Variants in NPSR1 observed in about 807,000 individuals in gnomAD.
NPSR1 encodes the protein neuropeptide S receptor.
NPSR1 carries 48 observed loss-of-function variants against 46.9 expected under a neutral mutation model. The ratio of observed to expected loss-of-function variants is 1.02; its 90% CI spans 0.81 to 1.30. The LOEUF (loss-of-function observed/expected upper bound fraction) is 1.30, where lower values mean the gene tolerates loss of function less well. Ranked by LOEUF, NPSR1 falls within the 50% of genes most tolerant of loss-of-function variation. The pLI, the probability that NPSR1 is intolerant of heterozygous loss-of-function variation, is 0.00. For missense variants in NPSR1, 450 were observed against 449.5 expected (o/e 1.00, Z -0.01); for synonymous variants, 176 against 168.1 (o/e 1.05, Z -0.36).
At chr7:34,785,385 G>T (rs1285930901) in intron 3 of NPSR1, among the ~76,000 whole-genome samples, 1 of 109,004 alleles carries the variant, frequency 9.2e-6, no homozygotes, top group African/African-American at 3.6e-5. Context: ...CTGTTGTGGG[G>T]TGGGGGGAGG....
intron 1 of NPSR1, among the ~76,000 whole-genome samples, chr7:34,663,749 T>C (rs887053994): frequency 6.6e-6 from 1 of 152,212 alleles, no homozygotes; most frequent in Non-Finnish European, 1.5e-5. Context: ...ACAGTGTTCT[T>C]CCGAATTTAT....
At chr7:34,872,231 C>T (rs538967331) in intron 8 of NPSR1, among the ~76,000 whole-genome samples, 2 of 152,102 alleles carry the variant, frequency 1.3e-5, no homozygotes, top group East Asian at 3.9e-4. Context: ...ACCTTGGCCC[C>T]TTTGAGTCAT....
rs78747599 is a variant in NPSR1, at chr7:34,840,055, G to C, written c.758-4841G>C. On this transcript the variant is annotated intron_variant, in intron 6 of 8. Coordinates refer to ENST00000360581, the MANE Select transcript of NPSR1 (RefSeq NM_207172.2). ...CTGCTTCTGCTTGAGCTGAGGTGCT[G>C]AGGTATAGAAAGGGCTATCTGGTGG... Among the ~76,000 whole-genome samples, 355 of 152,208 alleles carry C rather than the reference G, an allele frequency of 2.3e-3. 11 individuals carry two copies. The East Asian group carries it at 0.054, about 23-fold the overall frequency.
rs747202773 is a variant in NPSR1, at chr7:34,811,789, C to T, written c.404C>T (p.Ser135Phe). 5.0e-6 allele frequency: 8 copies of T among 1,613,078 alleles called. No homozygotes were observed. The South Asian group carries it at 8.8e-5, about 18-fold the overall frequency. ...RYLQVVLLYA[S>F]TYVLVSLSID... The stretch of plus-strand genomic sequence containing the variant: ...CTTTAGGTTGTGCTGCTCTACGCCT[C>T]TACCTACGTCCTGGTGTCCCTCAGC... The change falls in exon 4 of 9, where the codon TCT becomes TTT. Residue 135 changes from serine to phenylalanine, a missense_variant. Coordinates refer to ENST00000360581, the MANE Select transcript of NPSR1 (RefSeq NM_207172.2).
At chr7:34,789,777 A>C (rs1401110999) in intron 3 of NPSR1, among the ~76,000 whole-genome samples, 1 of 148,876 alleles carries the variant, frequency 6.7e-6, no homozygotes, top group Non-Finnish European at 1.5e-5. Context: ...GATAACCTAG[A>C]GGAAATGGAT....
chr7:34,736,308 A>G (rs1374505230), intron 2 of NPSR1, among the ~76,000 whole-genome samples: 1 of 152,178 alleles, frequency 6.6e-6, no homozygotes, highest in East Asian at 1.9e-4. Context: ...TGTCTGACAC[A>G]CAATACTGTG....
chr7:34,717,119 A>C (rs1783612727), intron 2 of NPSR1, among the ~76,000 whole-genome samples: 1 of 152,218 alleles, frequency 6.6e-6, no homozygotes, highest in South Asian at 2.1e-4. Flanking sequence ...GAGAGGATGT[A>C]TAATGAGTCT....
At chr7:34,826,590 CAGAA>C (rs1488168260) in intron 4 of NPSR1, among the ~76,000 whole-genome samples, 1 of 152,174 alleles carries the variant, frequency 6.6e-6, no homozygotes, top group Non-Finnish European at 1.5e-5. Context: ...AACAGCTTGA[CAGAA>C]AGCATCACAT....
At position 34,838,104 on chromosome 7, in the gene NPSR1, G is replaced by A. The variant is rs543312888; in HGVS notation, c.757+3644G>A. ...CTCCTGTTCCCTCCACAGCAGCACC[G>A]CCCTTGCTCACCACCTTCCTCAGCA... is the stretch of plus-strand genomic sequence containing the variant. On this transcript the variant is annotated intron_variant, in intron 6 of 8. Transcript: ENST00000360581. 5.9e-5 allele frequency among the ~76,000 whole-genome samples: 9 copies of A among 152,092 alleles called. No individual in the cohort carries two copies. The South Asian group carries it at 8.3e-4, about 14-fold the overall frequency.
chr7:34,782,003 A>G (rs980861840), intron 3 of NPSR1, among the ~76,000 whole-genome samples: 1 of 152,138 alleles, frequency 6.6e-6, no homozygotes, highest in African/African-American at 2.4e-5. Flanking sequence ...ATTTATACGT[A>G]TACTATTACC....
At chr7:34,765,240 C>T (rs1475237930) in intron 2 of NPSR1, among the ~76,000 whole-genome samples, 1 of 152,100 alleles carries the variant, frequency 6.6e-6, no homozygotes, top group African/African-American at 2.4e-5. Context: ...AAATGTTTGC[C>T]ATTTAATCAA....
At chr7:34,848,133 C>T (rs1449668055) in intron 7 of NPSR1, among the ~76,000 whole-genome samples, 1 of 152,168 alleles carries the variant, frequency 6.6e-6, no homozygotes, top group African/African-American at 2.4e-5. Context: ...AAGTATTTTG[C>T]TGTTTTTTCC....
chr7:34,772,752 C>T (rs1386827552), intron 2 of NPSR1, among the ~76,000 whole-genome samples: 1 of 152,092 alleles, frequency 6.6e-6, no homozygotes, highest in Non-Finnish European at 1.5e-5. Context: ...ACATCCCTGG[C>T]CCCATCCACT....
At position 34,805,479 on chromosome 7, in the gene NPSR1, CAAAAAAAAA is replaced by C. The variant is rs57776086; in HGVS notation, c.385-6277_385-6269del. On this transcript the variant is annotated intron_variant, in intron 3 of 8. Coordinates refer to ENST00000360581, the MANE Select transcript of NPSR1 (RefSeq NM_207172.2). ...GAAAGAGTGGTTGAATATCCACATG[CAAAAAAAAA>C]AAAAAAAAAAAAACTTAATGTAGAC... is the stretch of plus-strand genomic sequence containing the variant. Among the ~76,000 whole-genome samples the C allele has an allele frequency of 4.2e-5, 3 of 71,948 alleles. No individual in the cohort carries two copies. In the East Asian group the frequency reaches 1.5e-3, roughly 37 times the overall value. The allele number at this position is 71,948 out of a possible 152,430, so 47.2% of individuals were successfully genotyped here. A position where few individuals can be genotyped will look rare whatever the true frequency, so the allele number is the denominator to read the frequency against.
intron 3 of NPSR1, among the ~76,000 whole-genome samples, chr7:34,808,073 T>G (rs1310073536): frequency 6.6e-6 from 1 of 152,046 alleles, no homozygotes; most frequent in Non-Finnish European, 1.5e-5. Context: ...GAAGGGAGTG[T>G]GACACACAGA....
intron 3 of NPSR1, among the ~76,000 whole-genome samples, chr7:34,802,234 C>G (rs1238275468): frequency 1.3e-5 from 2 of 150,266 alleles, no homozygotes; most frequent in Non-Finnish European, 2.9e-5. Context: ...TCATATGGAA[C>G]CAAAAAAGAG....
chr7:34,716,341 G>GA (rs1372383699), intron 2 of NPSR1, among the ~76,000 whole-genome samples: 1 of 152,136 alleles, frequency 6.6e-6, no homozygotes, highest in African/African-American at 2.4e-5. Flanking sequence ...TGGTGCCATG[G>GA]AAAAATTTGA....
In NPSR1 at chr7:34,849,748, T is replaced by A. The variant is rs535738855; in HGVS notation, c.*93T>A. 1 of 1,574,696 alleles carries A rather than the reference T, an allele frequency of 6.4e-7. No individual in the cohort carries two copies. Among genetic ancestry groups the A allele is most frequent in the Admixed American group, 1.8e-5 (1 of 55,190 alleles). On this transcript the variant is annotated 3_prime_UTR_variant, in exon 9 of 9. Transcript: ENST00000360581. Reference sequence around the variant, plus strand: ...GCACGTGCATGGAACCCGAGCCAACTTCACCCCACCCTCGTCATTACCTGG... The same window carrying A: ...GCACGTGCATGGAACCCGAGCCAACATCACCCCACCCTCGTCATTACCTGG...
chr7:34,683,428 CAG>C (rs1792754367), intron 1 of NPSR1, among the ~76,000 whole-genome samples: 1 of 143,676 alleles, frequency 7.0e-6, no homozygotes, highest in Non-Finnish European at 1.5e-5. Flanking sequence ...GCCTGGGTGA[CAG>C]AGTGAGACTC....
Sources: gnomAD v4.1 joint callset for allele counts (sites outside exome capture counted in the v4.1 genomes callset) on GRCh38, gnomAD v4.1.1 for gene constraint, MANE v1.5 for transcripts, NCBI Gene and HGNC (gene_info 2026-07-23, HGNC 2026-07-21) for gene names.